ZDHHC14: variants seen among roughly 807,000 people sequenced by gnomAD.
ZDHHC14 encodes the protein palmitoyltransferase ZDHHC14.
A neutral mutation model predicts 47.7 loss-of-function variants in ZDHHC14; 16 were observed. The ratio of observed to expected loss-of-function variants is 0.34; its 90% CI spans 0.23 to 0.51. The LOEUF is 0.51. Among genes scored for constraint, ZDHHC14 ranks in the 20% least tolerant of loss-of-function variants. The probability of loss-of-function intolerance (pLI) is 0.97; values close to 1 mark genes in which losing one functional copy is unlikely to be tolerated. For missense variants in ZDHHC14, 515 were observed against 662.5 expected (o/e 0.78, Z 2.44); for synonymous variants, 293 against 278.9 (o/e 1.05, Z -0.50).
At chr6:157,460,885 T>C (rs1337327516) in intron 1 of ZDHHC14, among the ~76,000 whole-genome samples, 1 of 152,192 alleles carries the variant, frequency 6.6e-6, no homozygotes, top group Non-Finnish European at 1.5e-5. Flanking sequence ...TAGGCCCAGT[T>C]GTGTTTCTCC....
intron 1 of ZDHHC14, among the ~76,000 whole-genome samples, chr6:157,472,816 C>T (rs1163802280): frequency 6.6e-6 from 1 of 152,142 alleles, no homozygotes; most frequent in African/African-American, 2.4e-5. Flanking sequence ...AGGAAATTTT[C>T]CAGCATTTAT....
intron 2 of ZDHHC14, among the ~76,000 whole-genome samples, chr6:157,581,029 A>G (rs1052433988): frequency 2.6e-5 from 4 of 151,650 alleles, no homozygotes; most frequent in Admixed American, 2.0e-4. Flanking sequence ...TTAATTTGAG[A>G]TCCTTCTTAC....
chr6:157,465,105 C>CTTTTTTTTTTTTTTTTTTTTTTTTTTTTT (rs772080368), intron 1 of ZDHHC14, among the ~76,000 whole-genome samples: 4 of 102,012 alleles, frequency 3.9e-5, no homozygotes, highest in Admixed American at 1.1e-4. Context: ...TCTCTTTCTC[C>CTTTTTTTTTTTTTTTTTTTTTTTTTTTTT]TTTTTTTTTT....
intron 3 of ZDHHC14, among the ~76,000 whole-genome samples, chr6:157,623,463 G>T (rs571493405): frequency 6.6e-6 from 1 of 151,374 alleles, no homozygotes; most frequent in African/African-American, 2.4e-5. Context: ...ACTGTGAATC[G>T]ATTAAACCTC....
chr6:157,630,668 TACTC>T (rs1159421024), intron 4 of ZDHHC14: 2 of 141,376 alleles, frequency 1.4e-5, no homozygotes, highest in African/African-American at 5.4e-5. Flanking sequence ...ATACTAGCCA[TACTC>T]ACACTCATAT....
intron 1 of ZDHHC14, among the ~76,000 whole-genome samples, chr6:157,435,829 C>A (rs965356101): frequency 6.6e-6 from 1 of 152,200 alleles, no homozygotes; most frequent in African/African-American, 2.4e-5. Flanking sequence ...TATGAGCCAT[C>A]ATGCCTGGCC....
rs1778255553 is a variant in ZDHHC14, at chr6:157,427,894, T to C, written c.245+45628T>C. Among the ~76,000 whole-genome samples, 1 of 152,026 alleles carries C rather than the reference T, an allele frequency of 6.6e-6. No individual in the cohort carries two copies. Among genetic ancestry groups the C allele is most frequent in the Non-Finnish European group, 1.5e-5 (1 of 68,010 alleles). On this transcript the variant is annotated intron_variant, in intron 1 of 8. Coordinates refer to ENST00000359775, the MANE Select transcript of ZDHHC14 (RefSeq NM_024630.3). The surrounding 1 kb of genome is among the most constrained non-coding windows in gnomAD (Gnocchi z 4.4). ...CTTTTCTCAGTAACAGCATAAAGGA[T>C]GAATCTAATAAATCACAATAAAACT...
intron 3 of ZDHHC14, among the ~76,000 whole-genome samples, chr6:157,626,901 C>A (rs201742639): frequency 7.4e-6 from 1 of 136,010 alleles, no homozygotes; most frequent in Non-Finnish European, 1.6e-5. Context: ...GGGGGGGGGG[C>A]GGCGGGGGCA....
intron 1 of ZDHHC14, among the ~76,000 whole-genome samples, chr6:157,441,462 T>C (rs1210807629): frequency 1.3e-5 from 2 of 152,196 alleles, no homozygotes; most frequent in Non-Finnish European, 2.9e-5. Context: ...GGAAAGGAAA[T>C]TTCCTATGTT....
At chr6:157,492,526 A>G (rs141680459) in intron 1 of ZDHHC14, among the ~76,000 whole-genome samples, 4 of 151,826 alleles carry the variant, frequency 2.6e-5, no homozygotes, top group African/African-American at 9.7e-5. Flanking sequence ...TTGGGGGCAG[A>G]CTCCTGCTCT....
chr6:157,523,989 A>G (rs1028034006), intron 1 of ZDHHC14, among the ~76,000 whole-genome samples: 1 of 152,230 alleles, frequency 6.6e-6, no homozygotes, highest in African/African-American at 2.4e-5. Flanking sequence ...ATAGGACAAA[A>G]ATTAGATGGT....
intron 1 of ZDHHC14, among the ~76,000 whole-genome samples, chr6:157,393,720 T>C (rs896754671): frequency 6.6e-6 from 1 of 152,250 alleles, no homozygotes; most frequent in Admixed American, 6.5e-5. Context: ...CTACTTTTTC[T>C]TGTTTTGAAA....
At chr6:157,421,432 G>T (rs1278104870) in intron 1 of ZDHHC14, among the ~76,000 whole-genome samples, 1 of 134,884 alleles carries the variant, frequency 7.4e-6, no homozygotes, top group African/African-American at 2.8e-5. Flanking sequence ...GGCGGAGCTT[G>T]CAGTGAGCTG....
In ZDHHC14 at chr6:157,580,712, T is replaced by TTGTGTG. The variant is rs35713410; in HGVS notation, c.407-12258_407-12253dup. 1.2e-3 allele frequency among the ~76,000 whole-genome samples: 180 copies of TTGTGTG among 148,784 alleles called. 2 individuals carry two copies. Among genetic ancestry groups the TTGTGTG allele is most frequent in the East Asian group, 8.1e-3 (41 of 5,056 alleles). On this transcript the variant is annotated intron_variant, in intron 2 of 8. Coordinates refer to ENST00000359775, the MANE Select transcript of ZDHHC14 (RefSeq NM_024630.3). ...TAGTACTGTCTGGGTTTTTTGTGTT[T>TTGTGTG]TGTGTGTGTGTGTGTGTGTGTGTTT...
intron 8 of ZDHHC14, among the ~76,000 whole-genome samples, chr6:157,670,519 C>A (rs1026872468): frequency 1.3e-5 from 2 of 152,098 alleles, no homozygotes; most frequent in South Asian, 4.1e-4. Flanking sequence ...GTCTCGAACT[C>A]CTGAGCTCAG....
chr6:157,596,496 A>G (rs1035614665), intron 3 of ZDHHC14, among the ~76,000 whole-genome samples: 15 of 152,140 alleles, frequency 9.9e-5, no homozygotes, highest in African/African-American at 3.6e-4. Context: ...TCTTTGTTAA[A>G]TAAGTTTGAA....
chr6:157,638,171 A>G (rs1777075517), intron 5 of ZDHHC14, among the ~76,000 whole-genome samples: 2 of 152,172 alleles, frequency 1.3e-5, no homozygotes, highest in Non-Finnish European at 2.9e-5. Flanking sequence ...GGTGCTCAGC[A>G]GGCCCCTTCC....
intron 1 of ZDHHC14, among the ~76,000 whole-genome samples, chr6:157,496,503 A>T (rs936685639): frequency 6.6e-6 from 1 of 152,208 alleles, no homozygotes; most frequent in Admixed American, 6.5e-5. Context: ...ATTAAAATGT[A>T]TTCATATGGG....
chr6:157,474,769 A>G (rs1280266352), intron 1 of ZDHHC14, among the ~76,000 whole-genome samples: 4 of 152,114 alleles, frequency 2.6e-5, no homozygotes, highest in Admixed American at 2.6e-4. Flanking sequence ...TTAGTATTGA[A>G]TTGTTTGAGT....
Sources: allele counts gnomAD v4.1 joint callset (sites outside exome capture counted in the v4.1 genomes callset), GRCh38; gene constraint gnomAD v4.1.1; non-coding constraint Gnocchi (gnomAD v3.1); transcripts MANE v1.5; gene names NCBI Gene and HGNC (gene_info 2026-07-23, HGNC 2026-07-21).